LMCD1: variants seen among roughly 807,000 people sequenced by gnomAD.
LMCD1 encodes LIM and cysteine-rich domains protein 1.
LMCD1 carries 32 observed loss-of-function variants against 42.7 expected under a neutral mutation model. The observed-to-expected ratio is 0.75, with a 90% confidence interval of 0.57 to 1.01. The LOEUF (loss-of-function observed/expected upper bound fraction) is 1.01. Among genes scored for constraint, LMCD1 ranks in the 50% least tolerant of loss-of-function variants. LMCD1 has a pLI of 0.00. For synonymous variants in LMCD1, 178 were observed against 184.9 expected (o/e 0.96, Z 0.30); for missense variants, 458 against 483.1 (o/e 0.95, Z 0.49).
At chr3:8,551,412 A>G (rs1476639187) in intron 4 of LMCD1, 1 of 896,082 alleles carries the variant, frequency 1.1e-6, no homozygotes, top group East Asian at 1.2e-4. Flanking sequence ...GTCAGGGTCT[A>G]TCTTTAATTC....
rs1695203232 is a variant in LMCD1 at position 8,570,941 on chromosome 3, G to A, written c.*3343G>A. The A allele has an allele frequency of 6.6e-6, 1 of 152,084 alleles. No homozygotes were observed. The highest frequency in any genetic ancestry group is 2.1e-4 in the South Asian group (1 of 4,826). The allele number at this position is 152,084 out of a possible 1,614,324, so 9.4% of individuals were successfully genotyped here. ...TACCATCACTCACGCTGTGCTTTTT[G>A]CCTGCAATTCCCCACACTGTGTTTA... On this transcript the variant is annotated 3_prime_UTR_variant, in exon 6 of 6. Coordinates refer to ENST00000157600, the MANE Select transcript of LMCD1 (RefSeq NM_014583.4).
At chr3:8,502,322 T>TATATATATAAAATATATATAAA (rs1559342133) in intron 1 of LMCD1, among the ~76,000 whole-genome samples, 1 of 8,538 alleles carries the variant, frequency 1.2e-4, no homozygotes, top group Non-Finnish European at 3.1e-4. Flanking sequence ...AAATATATAT[T>TATATATATAAAATATATATAAA]ATATATAATA....
At chr3:8,502,330 AT>A (rs1693757397) in intron 1 of LMCD1, among the ~76,000 whole-genome samples, 7 of 17,108 alleles carry the variant, frequency 4.1e-4, no homozygotes, top group African/African-American at 2.0e-3. Context: ...ATTATATATA[AT>A]ATATATTATA....
chr3:8,566,604 G>A (rs542220068), intron 5 of LMCD1, among the ~76,000 whole-genome samples: 5 of 152,282 alleles, frequency 3.3e-5, no homozygotes, highest in South Asian at 2.1e-4. Flanking sequence ...AAGGGCTTAC[G>A]GTGGGTCAGT....
chr3:8,523,897 T>A (rs929884806), intron 1 of LMCD1, among the ~76,000 whole-genome samples: 3 of 152,158 alleles, frequency 2.0e-5, no homozygotes, highest in Non-Finnish European at 2.9e-5. Flanking sequence ...GGATTTACTT[T>A]CAGGAAGGGC....
chr3:8,507,942 C>T (rs888962463), intron 1 of LMCD1, among the ~76,000 whole-genome samples: 1 of 152,196 alleles, frequency 6.6e-6, no homozygotes, highest in Non-Finnish European at 1.5e-5. Flanking sequence ...TAGTCTGGTT[C>T]AGAAGCTTCC....
intron 1 of LMCD1, among the ~76,000 whole-genome samples, chr3:8,511,273 T>C (rs1031556652): frequency 6.6e-6 from 1 of 152,232 alleles, no homozygotes; most frequent in African/African-American, 2.4e-5. Flanking sequence ...CATTACTTTG[T>C]TGAAACTTTT....
At chr3:8,561,106 C>T (rs1428623583) in intron 4 of LMCD1, among the ~76,000 whole-genome samples, 1 of 152,158 alleles carries the variant, frequency 6.6e-6, no homozygotes, top group African/African-American at 2.4e-5. Flanking sequence ...AGTAAGTGTG[C>T]AAACTCTTAT....
intron 4 of LMCD1, among the ~76,000 whole-genome samples, chr3:8,562,960 T>C (rs1275670223): frequency 1.3e-5 from 2 of 152,194 alleles, no homozygotes. Flanking sequence ...CAACTGTCTC[T>C]GGAGCCCAGC....
Position 8,537,380 on chromosome 3 carries a change from A to G in LMCD1, c.327A>G (p.Lys109=). 1 of 1,611,524 alleles carries G rather than the reference A, an allele frequency of 6.2e-7. No individual in the cohort carries two copies. The highest frequency in any genetic ancestry group is 1.1e-5 in the South Asian group (1 of 90,990). Residue 109 remains lysine, a synonymous_variant, in exon 3 of 6, where the codon AAA becomes AAG. Coordinates refer to ENST00000157600, the MANE Select transcript of LMCD1 (RefSeq NM_014583.4). ...MIMTNPIATG[K]DPTFDTITYE... is the part of the protein sequence containing the mutation. ...TGACCAACCCTATTGCTACTGGGAA[A>G]GATCCCACTTTTGACACCATCACCT...
chr3:8,522,603 G>T (rs1694226497), intron 1 of LMCD1, among the ~76,000 whole-genome samples: 1 of 152,066 alleles, frequency 6.6e-6, no homozygotes, highest in Admixed American at 6.6e-5. Flanking sequence ...TGGCAGGTTG[G>T]GCTTCTGTGA....
At chr3:8,522,098 G>T (rs569129228) in intron 1 of LMCD1, among the ~76,000 whole-genome samples, 2 of 152,150 alleles carry the variant, frequency 1.3e-5, no homozygotes, top group Non-Finnish European at 2.9e-5. Flanking sequence ...GAGATGGGTT[G>T]GGGGGAGGCA....
chr3:8,543,452 C>G (rs1489205152), intron 3 of LMCD1, among the ~76,000 whole-genome samples: 1 of 149,286 alleles, frequency 6.7e-6, no homozygotes, highest in African/African-American at 2.5e-5. Context: ...GACAGACAGA[C>G]AGAGAGATAG....
intron 1 of LMCD1, among the ~76,000 whole-genome samples, chr3:8,518,635 A>G (rs1694142304): frequency 6.6e-6 from 1 of 152,164 alleles, no homozygotes; most frequent in Non-Finnish European, 1.5e-5. Context: ...GCAGGGAGAG[A>G]GCGAGTTGGC....
intron 1 of LMCD1, chr3:8,515,122 C>T (rs1694074696): frequency 1.2e-5 from 5 of 427,732 alleles, no homozygotes; most frequent in South Asian, 8.7e-5. Context: ...GTTCCTGCTG[C>T]AGCCCCCTGG....
chr3:8,525,080 T>G (rs1019332800), intron 1 of LMCD1, among the ~76,000 whole-genome samples: 1 of 152,230 alleles, frequency 6.6e-6, no homozygotes, highest in African/African-American at 2.4e-5. Context: ...TTAGCAAATT[T>G]CAAGTATAGA....
At chr3:8,553,242 T>A (rs1157240527) in intron 4 of LMCD1, among the ~76,000 whole-genome samples, 1 of 148,632 alleles carries the variant, frequency 6.7e-6, no homozygotes, top group African/African-American at 2.5e-5. Context: ...CTCCCTCGGC[T>A]CCCTCCCACC....
chr3:8,556,798 A>G (rs1038211224), intron 4 of LMCD1, among the ~76,000 whole-genome samples: 1 of 152,224 alleles, frequency 6.6e-6, no homozygotes, highest in Non-Finnish European at 1.5e-5. Flanking sequence ...CACGTGTAGC[A>G]TTTATGAAGC....
intron 4 of LMCD1, among the ~76,000 whole-genome samples, chr3:8,554,771 C>T (rs961724594): frequency 7.9e-5 from 12 of 152,168 alleles, no homozygotes; most frequent in African/African-American, 2.7e-4. Context: ...TTAGAGAGCT[C>T]GCTGAATATT....
Sources: allele counts gnomAD v4.1 joint callset (sites outside exome capture counted in the v4.1 genomes callset), GRCh38; gene constraint gnomAD v4.1.1; transcripts MANE v1.5; gene names NCBI Gene and HGNC (gene_info 2026-07-23, HGNC 2026-07-21).